The following RBFOX1 variants were observed in gnomAD, a reference collection of about 807,000 sequenced individuals.
RBFOX1 encodes the protein RNA binding fox-1 homolog 1.
RBFOX1 carries 8 observed loss-of-function variants against 57.7 expected under a neutral mutation model. The ratio of observed to expected loss-of-function variants is 0.14; its 90% confidence interval spans 0.08 to 0.25. The LOEUF is 0.25. RBFOX1 is among the 10% of genes least tolerant of loss of function. The pLI, the probability that RBFOX1 is intolerant of heterozygous loss-of-function variation, is 1.00. For synonymous variants in RBFOX1, 326 were observed against 222.4 expected (o/e 1.47, Z -4.15); for missense variants, 611 against 548.5 (o/e 1.11, Z -1.14).
intron 4 of RBFOX1, among the ~76,000 whole-genome samples, chr16:7,221,736 G>A (rs571298948): frequency 2.0e-5 from 3 of 152,278 alleles, no homozygotes; most frequent in Admixed American, 6.5e-5. Flanking sequence ...CAAAATTTCA[G>A]TGTGGTTATT....
intron 4 of RBFOX1, among the ~76,000 whole-genome samples, chr16:7,419,396 C>G (rs368691023): frequency 1.3e-5 from 2 of 152,340 alleles, no homozygotes; most frequent in East Asian, 3.9e-4. Context: ...AAGCTGGACA[C>G]CTCGCTTGTG....
At chr16:7,216,665 TAAAAA>T in intron 4 of RBFOX1, among the ~76,000 whole-genome samples, 1 of 74,996 alleles carries the variant, frequency 1.3e-5, no homozygotes, top group East Asian at 1.6e-3. Context: ...CAAAATAAAA[TAAAAA>T]TTAAAAAACC....
chr16:5,545,886 T>C (rs1206364463), intron 2 of RBFOX1, among the ~76,000 whole-genome samples: 1 of 152,192 alleles, frequency 6.6e-6, no homozygotes, highest in Admixed American at 6.5e-5. Context: ...AAAATAGATG[T>C]GTCTTTATTT....
At chr16:7,211,278 G>A (rs1326328131) in intron 4 of RBFOX1, among the ~76,000 whole-genome samples, 1 of 151,258 alleles carries the variant, frequency 6.6e-6, no homozygotes, top group African/African-American at 2.4e-5. Flanking sequence ...TGTAGTCCCA[G>A]CTTCTCGGGA....
intron 3 of RBFOX1, among the ~76,000 whole-genome samples, chr16:5,639,297 T>C (rs985068405): frequency 1.1e-4 from 17 of 152,174 alleles, no homozygotes; most frequent in Admixed American, 5.2e-4. Context: ...AAGGCCTGAA[T>C]TTCAAATGTC....
In RBFOX1 at chr16:6,169,845, A is replaced by G. The variant is rs986013903; in HGVS notation, c.-126-147150A>G. Among the ~76,000 whole-genome samples, 14 of 151,752 alleles carry G rather than the reference A, an allele frequency of 9.2e-5. 1 individual carries two copies. Among genetic ancestry groups the G allele is most frequent in the Admixed American group, 8.6e-4 (13 of 15,204 alleles). The stretch of plus-strand genomic sequence containing the variant: ...AGTGGTGCAATCTCAGCTCACTGCA[A>G]CCTCTGCCACCTGGGTTCAAGTGAT... On this transcript the variant is annotated intron_variant, in intron 1 of 15. Coordinates refer to ENST00000550418, the MANE Select transcript of RBFOX1 (RefSeq NM_018723.4).
chr16:7,475,419 A>T (rs572209235), intron 4 of RBFOX1, among the ~76,000 whole-genome samples: 6 of 151,672 alleles, frequency 4.0e-5, no homozygotes, highest in Non-Finnish European at 7.4e-5. Flanking sequence ...GGTTCAAGCA[A>T]TTCTCCTGCG....
chr16:5,345,885 A>G (rs1349871407), intron 1 of RBFOX1, among the ~76,000 whole-genome samples: 1 of 152,198 alleles, frequency 6.6e-6, no homozygotes, highest in Admixed American at 6.5e-5. Flanking sequence ...ATTTTAGGAT[A>G]GGTTCACCCT....
At chr16:7,167,762 C>G (rs28576192) in intron 4 of RBFOX1, among the ~76,000 whole-genome samples, 1 of 152,208 alleles carries the variant, frequency 6.6e-6, no homozygotes, top group Admixed American at 6.5e-5. Flanking sequence ...TATTCATTTA[C>G]GTATTGTCTA....
rs934038678 is a variant in RBFOX1, at chr16:6,903,806, G to C, written c.-15-148251G>C. The stretch of plus-strand genomic sequence containing the variant: ...GCTGCCGCTGCTTAGCCAGAGGAGG[G>C]AAGCAATTGCATCCCCAACAGGCGG... On this transcript the variant is annotated intron_variant, in intron 3 of 15. Coordinates refer to ENST00000550418, the MANE Select transcript of RBFOX1 (RefSeq NM_018723.4). Among the ~76,000 whole-genome samples the C allele has an allele frequency of 3.9e-5, 6 of 152,304 alleles. No individual in the cohort carries two copies. In the East Asian group the frequency reaches 9.7e-4, roughly 25 times the overall value.
At chr16:6,508,391 C>G (rs181196856) in intron 2 of RBFOX1, among the ~76,000 whole-genome samples, 50 of 152,234 alleles carry the variant, frequency 3.3e-4, no homozygotes, top group African/African-American at 1.2e-3. Flanking sequence ...TGTAAGTAGA[C>G]TTAACACTCC....
chr16:5,864,146 T>TATGC lies in RBFOX1; in HGVS notation c.319-3155_319-3152dup, dbSNP rs141969093. On this transcript the variant is annotated intron_variant, in intron 3 of 19. Transcript: ENST00000641259. Reference sequence around the variant, plus strand: ...TTTAGCTCCAACTTCTAGGTGAGGATATGCAGTATTTGGTTTTCTGTTGCT... The same window carrying TATGC: ...TTTAGCTCCAACTTCTAGGTGAGGATATGCATGCAGTATTTGGTTTTCTGTTGCT... 4.0e-3 allele frequency among the ~76,000 whole-genome samples: 611 copies of TATGC among 152,310 alleles called. 6 individuals carry two copies. Among genetic ancestry groups the TATGC allele is most frequent in the African/African-American group, 0.014 (592 of 41,568 alleles).
At chr16:6,513,242 G>C (rs1327067309) in intron 2 of RBFOX1, among the ~76,000 whole-genome samples, 1 of 152,204 alleles carries the variant, frequency 6.6e-6, no homozygotes, top group Admixed American at 6.5e-5. Context: ...GTTAGTGAAT[G>C]CTGGGCACTT....
chr16:5,575,466 G>T (rs567703539), intron 2 of RBFOX1, among the ~76,000 whole-genome samples: 69 of 152,318 alleles, frequency 4.5e-4, no homozygotes, highest in East Asian at 9.6e-4. Context: ...GATACACCAA[G>T]AATGCAGAAA....
At chr16:7,087,260 C>T (rs1236428979) in intron 4 of RBFOX1, among the ~76,000 whole-genome samples, 1 of 152,218 alleles carries the variant, frequency 6.6e-6, no homozygotes, top group African/African-American at 2.4e-5. Flanking sequence ...GTCACCGGCT[C>T]TGTGCAGATG....
intron 2 of RBFOX1, among the ~76,000 whole-genome samples, chr16:6,638,335 T>C (rs577095427): frequency 1.3e-5 from 2 of 152,250 alleles, no homozygotes; most frequent in African/African-American, 4.8e-5. Context: ...TACTGGTAAA[T>C]CGCATGGCAA....
chr16:5,833,748 C>G (rs566843433), intron 3 of RBFOX1, among the ~76,000 whole-genome samples: 2 of 152,210 alleles, frequency 1.3e-5, no homozygotes, highest in East Asian at 3.9e-4. Context: ...GAAGGAGAGA[C>G]ACATTTATTT....
At chr16:5,311,818 TG>T (rs1399813972) in intron 1 of RBFOX1, among the ~76,000 whole-genome samples, 1 of 152,226 alleles carries the variant, frequency 6.6e-6, no homozygotes, top group Non-Finnish European at 1.5e-5. Flanking sequence ...CTCTTGTTGC[TG>T]TCAATCTAGA....
chr16:7,472,931 G>A (rs374783513), intron 4 of RBFOX1, among the ~76,000 whole-genome samples: 104 of 152,270 alleles, frequency 6.8e-4, no homozygotes, highest in African/African-American at 2.3e-3. Context: ...AGGTTTAGAC[G>A]TCTGAAAAAC....
Sources: gnomAD v4.1 joint callset for allele counts (sites outside exome capture counted in the v4.1 genomes callset) on GRCh38, gnomAD v4.1.1 for gene constraint, MANE v1.5 for transcripts, NCBI Gene and HGNC (gene_info 2026-07-23, HGNC 2026-07-21) for gene names.